Variants in ITPR2 observed in about 807,000 individuals in gnomAD.
ITPR2 encodes the protein inositol 1,4,5-trisphosphate receptor type 2.
ITPR2 carries 207 observed loss-of-function variants against 317.1 expected under a neutral mutation model. That is an observed-to-expected ratio of 0.65 (90% CI 0.58 to 0.73). The LOEUF (loss-of-function observed/expected upper bound fraction) is 0.73, where lower values mean the gene tolerates loss of function less well. Ranked by LOEUF, ITPR2 falls within the 30% of genes least tolerant of loss-of-function variation. ITPR2 has a pLI of 0.00. For missense variants in ITPR2, 2,613 were observed against 3,284.0 expected, an observed-to-expected ratio of 0.80 and a Z score of 4.99; for synonymous variants, 1,156 against 1,149.1, an observed-to-expected ratio of 1.01 and a Z score of -0.12.
intron 1 of ITPR2, among the ~76,000 whole-genome samples, chr12:26,822,930 C>G (rs1950960346): frequency 2.0e-5 from 3 of 152,188 alleles, no homozygotes; most frequent in South Asian, 4.1e-4. Context: ...TTTTTTGGAG[C>G]TATTAAAATG....
At chr12:26,460,435 T>A (rs1439057196) in intron 45 of ITPR2, among the ~76,000 whole-genome samples, 1 of 152,182 alleles carries the variant, frequency 6.6e-6, no homozygotes, top group East Asian at 1.9e-4. Flanking sequence ...GGTTAATGTC[T>A]TTAATTTCTG....
chr12:26,389,896 A>C (rs1939780832), intron 54 of ITPR2, among the ~76,000 whole-genome samples: 1 of 152,222 alleles, frequency 6.6e-6, no homozygotes, highest in Non-Finnish European at 1.5e-5. Context: ...AAAATTTATT[A>C]CATTTATTAT....
intron 39 of ITPR2, among the ~76,000 whole-genome samples, chr12:26,487,530 A>G (rs775456949): frequency 1.4e-4 from 22 of 152,190 alleles, no homozygotes; most frequent in Admixed American, 3.3e-4. Context: ...TTACAGGGAC[A>G]TTGTAAGAAG....
intron 50 of ITPR2, among the ~76,000 whole-genome samples, chr12:26,416,483 A>C (rs537464222): frequency 1.3e-5 from 2 of 152,276 alleles, no homozygotes; most frequent in Admixed American, 1.3e-4. Context: ...AACTGGCTGA[A>C]ATGATCAATT....
At chr12:26,639,060 G>C (rs1005327540) in intron 21 of ITPR2, among the ~76,000 whole-genome samples, 1 of 152,176 alleles carries the variant, frequency 6.6e-6, no homozygotes, top group Non-Finnish European at 1.5e-5. Flanking sequence ...TTCTGTGCCA[G>C]TCAAATCAGT....
At chr12:26,520,315 G>A (rs949158100) in intron 37 of ITPR2, among the ~76,000 whole-genome samples, 2 of 152,108 alleles carry the variant, frequency 1.3e-5, no homozygotes, top group Non-Finnish European at 2.9e-5. Flanking sequence ...GGCAATCTGG[G>A]AGGAAGAACA....
At chr12:26,684,024 A>G (rs1003799218) in intron 11 of ITPR2, among the ~76,000 whole-genome samples, 1 of 152,256 alleles carries the variant, frequency 6.6e-6, no homozygotes, top group Non-Finnish European at 1.5e-5. Context: ...GATTCATTCA[A>G]CAACCTGGTT....
intron 48 of ITPR2, among the ~76,000 whole-genome samples, chr12:26,429,422 C>A (rs373713423): frequency 2.0e-4 from 31 of 152,284 alleles, no homozygotes; most frequent in African/African-American, 6.5e-4. Context: ...ACCTTCAATT[C>A]TTGTCCTCTG....
intron 45 of ITPR2, among the ~76,000 whole-genome samples, chr12:26,458,761 G>A (rs1941947063): frequency 6.6e-6 from 1 of 152,206 alleles, no homozygotes; most frequent in African/African-American, 2.4e-5. Flanking sequence ...GAGCCCACTT[G>A]CAGCATCCAT....
intron 1 of ITPR2, among the ~76,000 whole-genome samples, chr12:26,815,360 T>C (rs1046986365): frequency 1.3e-5 from 2 of 152,086 alleles, no homozygotes; most frequent in African/African-American, 2.4e-5. Context: ...AGAGAAGGGA[T>C]AGTAGCACCA....
chr12:26,656,587 C>T, intron 18 of ITPR2, 39 bp from the exon 19 acceptor site: 2 of 1,604,570 alleles, frequency 1.2e-6, no homozygotes, highest in Non-Finnish European at 1.7e-6. Context: ...TGTCTTATCT[C>T]AAGGAAATCT....
chr12:26,582,451 T>C (rs1459895516), intron 32 of ITPR2, among the ~76,000 whole-genome samples: 1 of 152,240 alleles, frequency 6.6e-6, no homozygotes, highest in Non-Finnish European at 1.5e-5. Flanking sequence ...CACTTTTATG[T>C]ACTGCCATTA....
At chr12:26,449,588 T>C (rs1366357100) in intron 45 of ITPR2, among the ~76,000 whole-genome samples, 2 of 152,180 alleles carry the variant, frequency 1.3e-5, no homozygotes, top group Non-Finnish European at 2.9e-5. Context: ...GGAATCACAT[T>C]AGATTTGGTG....
In ITPR2 at chr12:26,379,021, G is replaced by A. The variant is rs145339736; in HGVS notation, c.7857+8413C>T. ...GAGAGGGTTGGGTACAGCTGGCCTT[G>A]CTTGTTCCCAAAGGAATCACAACTT... On this transcript the variant is annotated intron_variant, in intron 55 of 56. Transcript: ENST00000381340. Among the ~76,000 whole-genome samples, 524 of 152,280 alleles carry A rather than the reference G, an allele frequency of 3.4e-3. 2 individuals carry two copies. Among genetic ancestry groups the A allele is most frequent in the Non-Finnish European group, 5.4e-3 (364 of 68,032 alleles).
rs754569083 is a variant in ITPR2, at chr12:26,400,139, G to A, written c.7519C>T (p.Pro2507Ser). The change falls in exon 53 of 57, where the codon CCA becomes TCA. Residue 2507 changes from proline to serine, a missense_variant. This residue lies in a region of ITPR2 where 113 missense variants were observed against 129.2 expected (regional missense o/e 0.87). Transcript: ENST00000381340. ...TTACTCTGGCTTACATCTTTCGATG[G>A]CCTTCTTAGCACATCCCCCACACCA... ...GGGVGDVLRR[P>S]SKDEPLFAAR... 5.0e-6 allele frequency: 8 copies of A among 1,608,252 alleles called. No homozygotes were observed. In the African/African-American group the frequency reaches 1.1e-4, roughly 22 times the overall value.
chr12:26,705,764 C>T (rs1948539281), intron 9 of ITPR2, among the ~76,000 whole-genome samples: 1 of 152,228 alleles, frequency 6.6e-6, no homozygotes, highest in African/African-American at 2.4e-5. Context: ...CGGCTTACCA[C>T]TGCATCAGTT....
chr12:26,538,448 A>G (rs1313615330), intron 37 of ITPR2, among the ~76,000 whole-genome samples: 1 of 152,178 alleles, frequency 6.6e-6, no homozygotes, highest in Non-Finnish European at 1.5e-5. Context: ...TCAAATTATC[A>G]TTTACTTTCA....
chr12:26,571,052 A>G (rs1039953026), intron 34 of ITPR2, among the ~76,000 whole-genome samples: 4 of 152,212 alleles, frequency 2.6e-5, no homozygotes, highest in Admixed American at 6.5e-5. Flanking sequence ...TGCATTTATG[A>G]TCACTTAAAA....
At chr12:26,344,420 C>T (rs1385320809) in intron 55 of ITPR2, among the ~76,000 whole-genome samples, 2 of 152,162 alleles carry the variant, frequency 1.3e-5, no homozygotes, top group African/African-American at 4.8e-5. Context: ...AAACATCAAC[C>T]TGCAAAAAGG....
Sources: gnomAD v4.1 joint callset for allele counts (sites outside exome capture counted in the v4.1 genomes callset) on GRCh38, gnomAD v4.1.1 for gene constraint, gnomAD v4.1.1 regional missense constraint, MANE v1.5 for transcripts, NCBI Gene and HGNC (gene_info 2026-07-23, HGNC 2026-07-21) for gene names.